The following PRR13 variants were observed in gnomAD, a reference collection of about 807,000 sequenced individuals.
PRR13 encodes proline-rich protein 13.
In PRR13, 7 loss-of-function variants were observed where a neutral mutation model predicts 11.5. That is an observed-to-expected ratio of 0.61 (90% CI 0.34 to 1.14). PRR13 has a LOEUF of 1.14. Ranked by LOEUF, PRR13 falls within the 50% of genes most tolerant of loss-of-function variation. PRR13 has a pLI of 0.03. For synonymous variants in PRR13, 53 were observed against 67.8 expected (o/e 0.78, Z 1.07); for missense variants, 155 against 194.4 (o/e 0.80, Z 1.21).
In PRR13 at chr12:53,443,773, G is replaced by A; in HGVS notation, c.402G>A (p.Lys134=). The change falls in exon 3 of 4, where the codon AAG becomes AAA. Residue 134 remains lysine, a splice_region_variant and synonymous_variant. Transcript: ENST00000429243. The stretch of plus-strand genomic sequence containing the variant: ...ACCACAAGTACCACAAGCATGGCAA[G>A]GTCAGTACCCTCTGGAGACTGGCTA... ...QKHHKYHKHG[K]HSSSSSSSSS... 1 of 1,601,206 alleles carries A rather than the reference G, an allele frequency of 6.2e-7. No individual in the cohort carries two copies. The highest frequency in any genetic ancestry group is 8.5e-7 in the Non-Finnish European group (1 of 1,173,330).
intron 1 of PRR13, 86 bp downstream of exon 1, chr12:53,441,878 A>G (rs1220607525): frequency 1.4e-6 from 1 of 695,470 alleles, no homozygotes; most frequent in South Asian, 1.5e-5. Context: ...TAGGATCTTC[A>G]TTTGCCTTTT....
intron 2 of PRR13, 43 bp downstream of exon 2, chr12:53,442,776 G>T: frequency 6.3e-7 from 1 of 1,579,276 alleles, no homozygotes; most frequent in Non-Finnish European, 8.7e-7. Flanking sequence ...CCCTTTTTCT[G>T]ATGGGCTCTA....
At chr12:53,443,196 C>T (rs926335383) in intron 2 of PRR13, 195 bp from the exon 3 acceptor site, 9 of 541,778 alleles carry the variant, frequency 1.7e-5, no homozygotes, top group Non-Finnish European at 2.8e-5. Context: ...CACTGTCTCC[C>T]TCCTCTCCCT....
Position 53,441,739 on chromosome 12 carries a change from G to A in PRR13, c.-74G>A, listed in dbSNP as rs1381235012. ...CCGAAGCACGGGGTCTGGGTGACTAGGAAGAGCCGAGACTGCGAAGGAGAA... is the reference window on the plus strand; with the variant it reads ...CCGAAGCACGGGGTCTGGGTGACTAAGAAGAGCCGAGACTGCGAAGGAGAA... On this transcript the variant is annotated 5_prime_UTR_variant, in exon 1 of 4. Coordinates refer to ENST00000429243, the MANE Select transcript of PRR13 (RefSeq NM_018457.4). 8.6e-6 allele frequency: 6 copies of A among 700,806 alleles called. No homozygotes were observed. Among genetic ancestry groups the A allele is most frequent in the African/African-American group, 1.7e-5 (1 of 57,210 alleles). 43.4% of individuals were successfully genotyped at this position (700,806 alleles called of 1,614,324 possible).
At chr12:53,444,335 T>G (rs892170847) in intron 3 of PRR13, among the ~76,000 whole-genome samples, 5 of 150,754 alleles carry the variant, frequency 3.3e-5, no homozygotes, top group Admixed American at 2.0e-4. Flanking sequence ...GGAGGTTTTT[T>G]TTTTTTTTTT....
intron 1 of PRR13, 120 bp from the exon 2 acceptor site, chr12:53,442,575 G>C (rs1940314571): frequency 1.2e-6 from 1 of 820,864 alleles, no homozygotes; most frequent in Non-Finnish European, 2.1e-6. Flanking sequence ...GGAAGTTGTG[G>C]TAGTTCTCCA....
intron 3 of PRR13, among the ~76,000 whole-genome samples, chr12:53,445,346 TAAAAAA>T (rs4020479): frequency 7.5e-5 from 8 of 106,630 alleles, no homozygotes; most frequent in African/African-American, 2.4e-4. Flanking sequence ...AAACTCCGTC[TAAAAAA>T]AAAAAAAAAA....
intron 1 of PRR13, chr12:53,442,131 T>G (rs1048670996): frequency 5.0e-6 from 2 of 397,186 alleles, no homozygotes; most frequent in Admixed American, 4.3e-5. Flanking sequence ...TACTGCCTAC[T>G]TCCGAAGAGT....
rs1940398855 is a variant in PRR13, at chr12:53,446,204, A to T, written c.*145A>T. ...AGCCTCACCCTGCTGTTGAGCCCTG[A>T]GTGGCTAGGGGAAATGGGAAGAGGA... On this transcript the variant is annotated 3_prime_UTR_variant, in exon 4 of 4. Transcript: ENST00000429243. The T allele has an allele frequency of 1.4e-6, 2 of 1,432,422 alleles. No homozygotes were observed. The highest frequency in any genetic ancestry group is 1.3e-5 in the South Asian group (1 of 74,524). 88.7% of individuals were successfully genotyped at this position (1,432,422 alleles called of 1,614,324 possible).
chr12:53,443,643 T>C lies in PRR13; in HGVS notation c.272T>C (p.Val91Ala), dbSNP rs760997232. 1.2e-6 allele frequency: 2 copies of C among 1,614,140 alleles called. No homozygotes were observed. Among genetic ancestry groups the C allele is most frequent in the Non-Finnish European group, 1.7e-6 (2 of 1,180,018 alleles). Residue 91 changes from valine (V) to alanine (A), a missense_variant, in exon 3 of 4, where the codon GTG (valine) becomes GCG (alanine). Coordinates refer to ENST00000429243, the MANE Select transcript of PRR13 (RefSeq NM_018457.4). Reference protein sequence around the residue: ...YPPPAPGIPPVNPLAPGMVGP... With the variant: ...YPPPAPGIPPANPLAPGMVGP... ...CCGCCTGCCCCTGGAATCCCTCCTG[T>C]GAATCCCTTGGCTCCTGGCATGGTT...
chr12:53,443,317 ATCTCTT>A, intron 2 of PRR13, 68 bp from the exon 3 acceptor site: 1 of 1,253,492 alleles, frequency 8.0e-7, no homozygotes, highest in Non-Finnish European at 1.0e-6. Context: ...GTGAGAAAGA[ATCTCTT>A]TCTTTTTGTT....
intron 1 of PRR13, 198 bp from the exon 2 acceptor site, chr12:53,442,497 C>T (rs1940313147): frequency 4.1e-6 from 2 of 491,444 alleles, no homozygotes; most frequent in East Asian, 7.7e-5. Context: ...CCCGCCTCGG[C>T]CTCCCAAAGT....
Position 53,442,743 on chromosome 12 carries a change from T to TG in PRR13, c.19+15dup. On this transcript the variant is annotated intron_variant, in intron 2 of 3. Coordinates refer to ENST00000429243, the MANE Select transcript of PRR13 (RefSeq NM_018457.4). ...TGGAATCCCAATGCCGGTAGGTGTT[T>TG]GGGGGTTCTGTTCCACCCCTAACCC... 3 of 1,608,572 alleles carry TG rather than the reference T, an allele frequency of 1.9e-6. No individual in the cohort carries two copies. The highest frequency in any genetic ancestry group is 1.7e-6 in the Non-Finnish European group (2 of 1,174,960).
At chr12:53,442,008 C>T in intron 1 of PRR13, 1 of 597,886 alleles carries the variant, frequency 1.7e-6, no homozygotes, top group African/African-American at 1.9e-5. Context: ...GGGTCCTCCC[C>T]AGGGAGAGAG....
rs1235093405 is a variant in PRR13, at chr12:53,442,616, G to A, written c.-20-79G>A. The A allele has an allele frequency of 3.1e-6, 4 of 1,272,018 alleles. No homozygotes were observed. The African/African-American group carries it at 5.9e-5, about 19-fold the overall frequency. The allele number at this position is 1,272,018 out of a possible 1,614,324, so 78.8% of individuals were successfully genotyped here. ...GAGAGCCTACTGTGGGGTGGAAGACGTTAGGGCTGGGCTCCGGTGCTAAGT... is the reference window on the plus strand; with the variant it reads ...GAGAGCCTACTGTGGGGTGGAAGACATTAGGGCTGGGCTCCGGTGCTAAGT... On this transcript the variant is annotated intron_variant, in intron 1 of 3. Transcript: ENST00000429243.
At chr12:53,443,950 T>G in intron 3 of PRR13, 177 bp downstream of exon 3, 1 of 840,346 alleles carries the variant, frequency 1.2e-6, no homozygotes, top group Non-Finnish European at 1.8e-6. Flanking sequence ...TCTGATTATC[T>G]TGAAAATAAA....
intron 1 of PRR13, 63 bp from the exon 2 acceptor site, chr12:53,442,632 G>A (rs1940315479): frequency 1.4e-6 from 2 of 1,436,752 alleles, no homozygotes; most frequent in Admixed American, 1.7e-5. Context: ...GCTGGGCTCC[G>A]GTGCTAAGTC....
At chr12:53,442,103 G>A (rs1461334583) in intron 1 of PRR13, 1 of 450,356 alleles carries the variant, frequency 2.2e-6, no homozygotes, top group East Asian at 3.8e-5. Context: ...GAGTGATGGT[G>A]GGGCCGAGAC....
rs143775136 is a variant in PRR13 at position 53,445,847 on chromosome 12, A to G, written c.403-168A>G. 7.9e-4 allele frequency among the ~76,000 whole-genome samples: 120 copies of G among 152,302 alleles called. 1 individual carries two copies. The highest frequency in any genetic ancestry group is 2.7e-3 in the African/African-American group (112 of 41,564). Reference sequence around the variant, plus strand: ...TTCCTGTATGCTCACTGCTGAAGGAAACCCTTGCTTTTGTTTAGGTACAGT... The same window carrying G: ...TTCCTGTATGCTCACTGCTGAAGGAGACCCTTGCTTTTGTTTAGGTACAGT... On this transcript the variant is annotated intron_variant, in intron 3 of 3. Transcript: ENST00000429243.
Sources: gnomAD v4.1 joint callset for allele counts (sites outside exome capture counted in the v4.1 genomes callset) on GRCh38, gnomAD v4.1.1 for gene constraint, MANE v1.5 for transcripts, NCBI Gene and HGNC (gene_info 2026-07-23, HGNC 2026-07-21) for gene names.